The following PDE1A variants were observed in gnomAD, a reference collection of about 807,000 sequenced individuals.
PDE1A encodes the protein dual specificity calcium/calmodulin-dependent 3',5'-cyclic nucleotide phosphodiesterase 1A.
A neutral mutation model predicts 61.7 loss-of-function variants in PDE1A; 35 were observed. That is an observed-to-expected ratio of 0.57 (90% CI 0.43 to 0.75). The LOEUF (loss-of-function observed/expected upper bound fraction) is 0.75, where lower values mean the gene tolerates loss of function less well. PDE1A is among the 30% of genes least tolerant of loss of function. The pLI is 0.00. For missense variants in PDE1A, 597 were observed against 630.6 expected (o/e 0.95, Z 0.57); for synonymous variants, 232 against 213.2 (o/e 1.09, Z -0.77).
chr2:182,224,996 T>G (rs1689027409), intron 6 of PDE1A, among the ~76,000 whole-genome samples: 1 of 151,816 alleles, frequency 6.6e-6, no homozygotes, highest in African/African-American at 2.4e-5. Flanking sequence ...AATAAAAGAC[T>G]TTGCGAAAAA....
the PDE1A span, among the ~76,000 whole-genome samples, chr2:182,578,033 TA>T: frequency 6.6e-6 from 1 of 151,944 alleles, no homozygotes; most frequent in East Asian, 1.9e-4. Flanking sequence ...AAGAATTAGT[TA>T]AAATTTAAAA....
In PDE1A at chr2:182,170,794, C is replaced by T. The variant is rs148255274; in HGVS notation, c.1517-2504G>A. On this transcript the variant is annotated intron_variant, in intron 13 of 13. Coordinates refer to ENST00000351439, the Ensembl canonical transcript of PDE1A. The stretch of plus-strand genomic sequence containing the variant: ...AAGATGTAGTTAGTAGAATATGAAT[C>T]TACATTTGATTTGGCATTAATACCA... 8.6e-3 allele frequency among the ~76,000 whole-genome samples: 1,312 copies of T among 151,996 alleles called. 10 individuals carry two copies. Among genetic ancestry groups the T allele is most frequent in the Non-Finnish European group, 0.011 (744 of 67,936 alleles).
chr2:182,465,347 A>G (rs2125783282), intron 2 of PDE1A, among the ~76,000 whole-genome samples: 1 of 152,258 alleles, frequency 6.6e-6, no homozygotes, highest in South Asian at 2.1e-4. Context: ...AAAGAATTGG[A>G]ATTTGAGAAC....
At chr2:182,256,218 C>A (rs4666830) in intron 2 of PDE1A, among the ~76,000 whole-genome samples, 77,852 of 113,610 alleles carry the variant, frequency 0.69, 27,448 homozygotes, top group African/African-American at 0.85. Flanking sequence ...TATATCTCCC[C>A]ATGCTATCCC....
intron 2 of PDE1A, among the ~76,000 whole-genome samples, chr2:182,240,587 C>A (rs1690423390): frequency 1.3e-5 from 2 of 152,052 alleles, no homozygotes. Flanking sequence ...CTTTAGTGTG[C>A]TATTCTAATA....
intron 1 of PDE1A, among the ~76,000 whole-genome samples, chr2:182,275,036 C>T (rs1693306551): frequency 6.6e-6 from 1 of 152,038 alleles, no homozygotes; most frequent in Non-Finnish European, 1.5e-5. Flanking sequence ...ACATTTAAAA[C>T]TAAGTTTAAT....
intron 1 of PDE1A, among the ~76,000 whole-genome samples, chr2:182,397,571 G>A (rs887735324): frequency 2.0e-5 from 3 of 152,124 alleles, no homozygotes; most frequent in South Asian, 2.1e-4. Context: ...TAAGAAAACC[G>A]ATAAGGAGGA....
At chr2:182,609,693 G>A in the PDE1A span, among the ~76,000 whole-genome samples, 52 of 152,322 alleles carry the variant, frequency 3.4e-4, no homozygotes, top group African/African-American at 1.2e-3. Flanking sequence ...CACTCACCGC[G>A]AGGGTTCGCG....
chr2:182,320,945 G>A (rs146920422), intron 1 of PDE1A, among the ~76,000 whole-genome samples: 10 of 152,180 alleles, frequency 6.6e-5, no homozygotes, highest in African/African-American at 2.4e-4. Context: ...TATTTCACTA[G>A]TAGGTATACA....
chr2:182,234,490 CG>C lies in PDE1A; in HGVS notation c.358del (p.Arg120GlufsTer17). Reference sequence around the variant, plus strand: ...CAAACCAACCATATGATATGTTTTTCGGTACATTCTAAAAAAGACAAAAATA... The same window carrying C: ...CAAACCAACCATATGATATGTTTTTCGTACATTCTAAAAAAGACAAAAATA... On this transcript the variant is annotated frameshift_variant, in exon 4 of 14. Coordinates refer to ENST00000351439, the Ensembl canonical transcript of PDE1A. LOFTEE classifies it high-confidence loss of function. The C allele has an allele frequency of 6.3e-7, 1 of 1,595,744 alleles. No individual in the cohort carries two copies. The highest frequency in any genetic ancestry group is 2.3e-5 in the East Asian group (1 of 44,320).
chr2:182,151,783 A>C (rs187704829), intron 13 of PDE1A, among the ~76,000 whole-genome samples: 1 of 152,332 alleles, frequency 6.6e-6, no homozygotes, highest in East Asian at 1.9e-4. Context: ...TCTCATGTAG[A>C]TATAAAAAAC....
chr2:182,389,523 G>T (rs967537754), intron 1 of PDE1A, among the ~76,000 whole-genome samples: 1 of 152,038 alleles, frequency 6.6e-6, no homozygotes, highest in African/African-American at 2.4e-5. Flanking sequence ...TCAGGGAAAT[G>T]CAAATTAAAA....
chr2:182,541,569 A>G, the PDE1A span, among the ~76,000 whole-genome samples: 11 of 152,220 alleles, frequency 7.2e-5, no homozygotes, highest in African/African-American at 2.7e-4. Flanking sequence ...AACATTCAAT[A>G]AATGCAATAT....
chr2:182,218,881 T>G (rs1240290972), intron 7 of PDE1A, among the ~76,000 whole-genome samples: 1 of 152,116 alleles, frequency 6.6e-6, no homozygotes, highest in African/African-American at 2.4e-5. Context: ...TTATGGCTTT[T>G]CCTTCTGATT....
chr2:182,471,195 A>G (rs1469542120), intron 2 of PDE1A, among the ~76,000 whole-genome samples: 2 of 151,812 alleles, frequency 1.3e-5, no homozygotes, highest in African/African-American at 4.8e-5. Context: ...TAGAACACTT[A>G]GAAGTTATAA....
chr2:182,226,647 C>G (rs966712378), intron 6 of PDE1A, among the ~76,000 whole-genome samples: 3 of 149,678 alleles, frequency 2.0e-5, no homozygotes, highest in African/African-American at 7.6e-5. Flanking sequence ...CCAGAGAGAA[C>G]GAGGTTAAAT....
At chr2:182,433,870 A>C (rs1049584929) in intron 2 of PDE1A, among the ~76,000 whole-genome samples, 1 of 152,018 alleles carries the variant, frequency 6.6e-6, no homozygotes, top group Non-Finnish European at 1.5e-5. Flanking sequence ...GTTTCTGTAC[A>C]TACTTTTCCT....
intron 2 of PDE1A, among the ~76,000 whole-genome samples, chr2:182,261,537 A>T (rs1692217585): frequency 6.6e-6 from 1 of 152,198 alleles, no homozygotes; most frequent in Admixed American, 6.5e-5. Context: ...TGTGGTGTTA[A>T]AAGATGGAAT....
intron 1 of PDE1A, among the ~76,000 whole-genome samples, chr2:182,361,216 T>C (rs910834853): frequency 6.6e-6 from 1 of 152,142 alleles, no homozygotes. Flanking sequence ...GTTATTAACA[T>C]GATTATTTTT....
Sources: allele counts gnomAD v4.1 joint callset (sites outside exome capture counted in the v4.1 genomes callset), GRCh38; gene constraint gnomAD v4.1.1; transcripts MANE v1.5; gene names NCBI Gene and HGNC (gene_info 2026-07-23, HGNC 2026-07-21).